The following SNTG1 variants were observed in gnomAD, a reference collection of about 807,000 sequenced individuals.
SNTG1 encodes gamma-1-syntrophin.
A neutral mutation model predicts 74.7 loss-of-function variants in SNTG1; 39 were observed. The ratio of observed to expected loss-of-function variants is 0.52; its 90% CI spans 0.40 to 0.68. The LOEUF (loss-of-function observed/expected upper bound fraction) is 0.68, where lower values mean the gene tolerates loss of function less well. SNTG1 is among the 30% of genes least tolerant of loss of function. The pLI is 0.00. For synonymous variants in SNTG1, 254 were observed against 217.1 expected (o/e 1.17, Z -1.49); for missense variants, 685 against 609.5 (o/e 1.12, Z -1.30).
chr8:50,438,658 T>A, intron 5 of SNTG1, 59 bp downstream of exon 5: 1 of 1,369,836 alleles, frequency 7.3e-7, no homozygotes, highest in African/African-American at 1.4e-5. Context: ...TGAACTTTGG[T>A]GCATTTCAAT....
intron 1 of SNTG1, among the ~76,000 whole-genome samples, chr8:49,920,196 G>A (rs1460833081): frequency 1.3e-5 from 2 of 151,896 alleles, no homozygotes; most frequent in South Asian, 2.1e-4. Flanking sequence ...AGTCTTCATA[G>A]GGCATAATAA....
At chr8:50,308,800 T>C (rs116700618) in intron 2 of SNTG1, among the ~76,000 whole-genome samples, 3,115 of 152,302 alleles carry the variant, frequency 0.02, 113 homozygotes, top group African/African-American at 0.069. Context: ...GCTCTTAAAG[T>C]CAGAAACGCT....
rs114480464 is a variant in SNTG1, at chr8:49,919,809, A to G, written c.-103+7578A>G. ...TTTAACACATGGTGGAGCCTGTTCC[A>G]GCTTAGCTAGACTATTTCCCTTTTG... On this transcript the variant is annotated intron_variant, in intron 1 of 18. Transcript: ENST00000642720. Among the ~76,000 whole-genome samples the G allele has an allele frequency of 9.3e-3, 1,421 of 152,176 alleles. 19 individuals carry two copies. The highest frequency in any genetic ancestry group is 0.032 in the African/African-American group (1,344 of 41,542).
intron 1 of SNTG1, among the ~76,000 whole-genome samples, chr8:50,117,759 T>C (rs564280404): frequency 1.3e-5 from 2 of 152,208 alleles, no homozygotes; most frequent in South Asian, 2.1e-4. Flanking sequence ...GATAAGCATG[T>C]ACTAGCAACT....
intron 15 of SNTG1, among the ~76,000 whole-genome samples, chr8:50,679,009 T>C (rs1221943346): frequency 6.6e-6 from 1 of 152,094 alleles, no homozygotes; most frequent in African/African-American, 2.4e-5. Context: ...TTTTAAATAA[T>C]AGCTACATTT....
chr8:50,150,626 G>A (rs1374705152), intron 1 of SNTG1, among the ~76,000 whole-genome samples: 1 of 152,084 alleles, frequency 6.6e-6, no homozygotes, highest in African/African-American at 2.4e-5. Context: ...TTTGTCAAAG[G>A]CCTTTTCTGC....
intron 2 of SNTG1, among the ~76,000 whole-genome samples, chr8:50,188,681 G>A (rs969984819): frequency 2.6e-5 from 4 of 152,216 alleles, no homozygotes; most frequent in South Asian, 4.1e-4. Flanking sequence ...ATTTGATAAT[G>A]GAGTACTGCA....
intron 15 of SNTG1, among the ~76,000 whole-genome samples, chr8:50,685,693 G>GTATTTGTA (rs2095349542): frequency 6.6e-6 from 1 of 152,066 alleles, no homozygotes; most frequent in Admixed American, 6.5e-5. Context: ...ATAGAGATCA[G>GTATTTGTA]TATTTGTATT....
intron 1 of SNTG1, among the ~76,000 whole-genome samples, chr8:50,013,406 C>A (rs1352433714): frequency 6.6e-6 from 1 of 151,746 alleles, no homozygotes; most frequent in Non-Finnish European, 1.5e-5. Flanking sequence ...ATTGATTCCT[C>A]CTTTATTTTG....
chr8:50,716,188 A>C (rs2095474534), intron 17 of SNTG1, among the ~76,000 whole-genome samples: 1 of 152,134 alleles, frequency 6.6e-6, no homozygotes, highest in African/African-American at 2.4e-5. Flanking sequence ...ACTTCTCAAC[A>C]TAGAATTAAC....
intron 2 of SNTG1, among the ~76,000 whole-genome samples, chr8:50,265,985 A>G (rs2087444918): frequency 6.6e-6 from 1 of 152,074 alleles, no homozygotes; most frequent in Admixed American, 6.6e-5. Context: ...AGATAGTAAG[A>G]ACACTGTTAA....
At chr8:50,568,873 C>A (rs2094530989) in intron 12 of SNTG1, 1 of 152,152 alleles carries the variant, frequency 6.6e-6, no homozygotes, top group African/African-American at 2.4e-5. Flanking sequence ...TATTTCCTAT[C>A]ATCTGTAGAG....
chr8:50,768,326 C>G (rs2095618867), intron 18 of SNTG1, among the ~76,000 whole-genome samples: 1 of 151,572 alleles, frequency 6.6e-6, no homozygotes, highest in Non-Finnish European at 1.5e-5. Flanking sequence ...AAGGGTCGCT[C>G]TAGAGAAAAA....
chr8:50,502,719 G>A, intron 8 of SNTG1, 59 bp from the exon 9 acceptor site: 11 of 1,361,626 alleles, frequency 8.1e-6, no homozygotes, highest in Non-Finnish European at 1.0e-5. Context: ...TCAAGGCTTT[G>A]CCATCATATA....
intron 8 of SNTG1, among the ~76,000 whole-genome samples, chr8:50,465,896 C>T (rs1230828730): frequency 6.6e-6 from 1 of 152,082 alleles, no homozygotes; most frequent in African/African-American, 2.4e-5. Context: ...ATATGAAGTG[C>T]TATAACATTT....
At chr8:50,221,113 C>T (rs1344594005) in intron 2 of SNTG1, among the ~76,000 whole-genome samples, 2 of 152,040 alleles carry the variant, frequency 1.3e-5, no homozygotes, top group Admixed American at 6.6e-5. Context: ...ATTAAAACTC[C>T]TATATATTTG....
At chr8:50,680,165 T>C (rs1585506493) in intron 15 of SNTG1, among the ~76,000 whole-genome samples, 1 of 152,314 alleles carries the variant, frequency 6.6e-6, no homozygotes, top group South Asian at 2.1e-4. Flanking sequence ...ATGTTGTATG[T>C]CAGTGGGAGA....
intron 2 of SNTG1, among the ~76,000 whole-genome samples, chr8:50,389,531 C>T (rs12155652): frequency 0.22 from 34,218 of 152,128 alleles, 4,316 homozygotes; most frequent in Middle Eastern, 0.36. Context: ...GTAAATAATG[C>T]CACAATAAAC....
At chr8:50,388,761 T>C (rs1366626822) in intron 2 of SNTG1, among the ~76,000 whole-genome samples, 1 of 152,186 alleles carries the variant, frequency 6.6e-6, no homozygotes, top group African/African-American at 2.4e-5. Context: ...ACCCACATTA[T>C]TGAAAATAGT....
Sources: allele counts gnomAD v4.1 joint callset (sites outside exome capture counted in the v4.1 genomes callset), GRCh38; gene constraint gnomAD v4.1.1; transcripts MANE v1.5; gene names NCBI Gene and HGNC (gene_info 2026-07-23, HGNC 2026-07-21).